Variants in FAM184A observed in about 807,000 individuals in gnomAD.
The protein encoded by FAM184A is protein FAM184A.
Under a neutral mutation model 143.8 loss-of-function variants are expected in FAM184A, and 99 were observed. The observed-to-expected ratio is 0.69, with a 90% CI of 0.58 to 0.81. FAM184A has a LOEUF of 0.81. Among genes scored for constraint, FAM184A ranks in the 40% least tolerant of loss-of-function variants. The pLI, the probability that FAM184A is intolerant of heterozygous loss-of-function variation, is 0.00. For synonymous variants in FAM184A, 427 were observed against 446.4 expected (o/e 0.96, Z 0.55); for missense variants, 1,217 against 1,310.5 (o/e 0.93, Z 1.10).
chr6:118,990,491 G>A lies in FAM184A; in HGVS notation c.2089-10141C>T, dbSNP rs116210839. 1.7e-3 allele frequency among the ~76,000 whole-genome samples: 266 copies of A among 152,298 alleles called. 1 individual carries two copies. Among genetic ancestry groups the A allele is most frequent in the Middle Eastern group, 0.01 (3 of 294 alleles). On this transcript the variant is annotated intron_variant, in intron 9 of 17. Coordinates refer to ENST00000338891, the MANE Select transcript of FAM184A (RefSeq NM_024581.6). ...GAGCTTACATCACAGACCTGGCATG[G>A]CAATTGGTAAAGGCATAGTAGTGCT...
chr6:119,034,125 G>A (rs1032536517), intron 1 of FAM184A, among the ~76,000 whole-genome samples: 11 of 133,616 alleles, frequency 8.2e-5, no homozygotes, highest in African/African-American at 3.0e-4. Flanking sequence ...AAATGAGGTA[G>A]ATGAAAGAAA....
intron 1 of FAM184A, among the ~76,000 whole-genome samples, chr6:119,092,095 C>G (rs1047835022): frequency 2.0e-5 from 3 of 152,242 alleles, no homozygotes; most frequent in African/African-American, 7.2e-5. Flanking sequence ...ATGTTCATTT[C>G]TACTCTTATT....
intron 1 of FAM184A, among the ~76,000 whole-genome samples, chr6:119,111,857 ATTTTCATTAAAGAAACAG>A (rs996926704): frequency 5.3e-5 from 8 of 152,322 alleles, no homozygotes; most frequent in South Asian, 2.1e-4. Flanking sequence ...TAGACTGAAT[ATTTTCATTAAAGAAACAG>A]TTTTCATTAA....
chr6:119,023,974 T>G lies in FAM184A; in HGVS notation c.999A>C (p.Ala333=). ...CQKLQTALAI[A]ENNVQVLQKQ... ...CTTTACTTACCTGAACATTGTTCTC[T>G]GCTATGGCAAGTGCCGTCTGAAGCT... Residue 333 remains alanine (A), a synonymous_variant, in exon 2 of 18, where the codon GCA becomes GCC. Transcript: ENST00000338891. The G allele has an allele frequency of 6.3e-7, 1 of 1,589,248 alleles. No individual in the cohort carries two copies. Among genetic ancestry groups the G allele is most frequent in the East Asian group, 2.2e-5 (1 of 44,776 alleles).
At chr6:119,104,267 A>G (rs921709605) in intron 1 of FAM184A, among the ~76,000 whole-genome samples, 3 of 152,184 alleles carry the variant, frequency 2.0e-5, no homozygotes, top group Non-Finnish European at 2.9e-5. Flanking sequence ...TCTGCCTCCC[A>G]AAGTACTGGA....
chr6:119,078,643 G>C lies in FAM184A; in HGVS notation c.-344C>G, dbSNP rs1016216670. 1 of 182,906 alleles carries C rather than the reference G, an allele frequency of 5.5e-6. No homozygotes were observed. The highest frequency in any genetic ancestry group is 1.1e-5 in the Non-Finnish European group (1 of 88,344). The allele number at this position is 182,906 out of a possible 1,614,324, so 11.3% of individuals were successfully genotyped here. ...GCTCCGCGGGTCCCGCTCGCAGCCC[G>C]CACCGAGGACTCGGCGAGGCTGCGG... On this transcript the variant is annotated 5_prime_UTR_variant, in exon 1 of 18. Coordinates refer to ENST00000338891, the MANE Select transcript of FAM184A (RefSeq NM_024581.6). The surrounding 1 kb of genome is among the most constrained non-coding windows in gnomAD (Gnocchi z 5.5).
intron 1 of FAM184A, among the ~76,000 whole-genome samples, chr6:119,058,143 C>T (rs543053063): frequency 6.7e-6 from 1 of 148,848 alleles, no homozygotes; most frequent in Non-Finnish European, 1.5e-5. Flanking sequence ...GCCACTCTCT[C>T]ATCAAGAAGT....
At chr6:118,962,544 T>G in intron 16 of FAM184A, 1 of 152,902 alleles carries the variant, frequency 6.5e-6, no homozygotes, top group East Asian at 1.9e-4. Context: ...TTAAATTCAC[T>G]GTGACATCTA....
intron 1 of FAM184A, among the ~76,000 whole-genome samples, chr6:119,051,176 T>C (rs1786751004): frequency 6.6e-6 from 1 of 152,036 alleles, no homozygotes. Context: ...GTGGTACATG[T>C]ACACAATGGA....
In FAM184A at chr6:119,091,403, A is replaced by G. The variant is rs79988237; in HGVS notation, c.-202+57675T>C. ...TATCACATCCTATAGGCCAAATCCT[A>G]ATCATGCAGAGTATTGTCTCCAAAC... On this transcript the variant is annotated intron_variant, in intron 1 of 16. Coordinates refer to the FAM184A transcript ENST00000352896. Among the ~76,000 whole-genome samples, 186 of 152,254 alleles carry G rather than the reference A, an allele frequency of 1.2e-3. 1 individual carries two copies. The highest frequency in any genetic ancestry group is 4.4e-3 in the African/African-American group (182 of 41,562).
chr6:119,148,723 G>A (rs1300695728), intron 1 of FAM184A, among the ~76,000 whole-genome samples: 2 of 152,010 alleles, frequency 1.3e-5, no homozygotes, highest in African/African-American at 4.8e-5. Flanking sequence ...GTGGCCACAT[G>A]ATGGCACTAT....
At chr6:119,077,811 T>C (rs554155621) in intron 1 of FAM184A, among the ~76,000 whole-genome samples, 13 of 152,368 alleles carry the variant, frequency 8.5e-5, no homozygotes, top group African/African-American at 3.1e-4. Context: ...CGTGGAGCCC[T>C]GGCAGATGCA....
At chr6:119,045,219 T>G (rs1199247420) in intron 1 of FAM184A, among the ~76,000 whole-genome samples, 1 of 151,872 alleles carries the variant, frequency 6.6e-6, no homozygotes, top group Non-Finnish European at 1.5e-5. Context: ...TCTGGTATAT[T>G]GATAAAAATA....
At chr6:119,147,045 G>A (rs1337693274) in intron 1 of FAM184A, among the ~76,000 whole-genome samples, 2 of 151,412 alleles carry the variant, frequency 1.3e-5, no homozygotes, top group Non-Finnish European at 2.9e-5. Flanking sequence ...GACATCCAGC[G>A]GGGGCAGTGG....
rs1786919396 is a variant in FAM184A at position 119,055,221 on chromosome 6, C to T, written c.159+22920G>A. On this transcript the variant is annotated intron_variant, in intron 1 of 17. Transcript: ENST00000338891. ...GATTAATCTACATTGTAGCATATATCAGTATTTCATTCCTTTTTATGGGCA... is the reference window on the plus strand; with the variant it reads ...GATTAATCTACATTGTAGCATATATTAGTATTTCATTCCTTTTTATGGGCA... Among the ~76,000 whole-genome samples, 8 of 152,290 alleles carry T rather than the reference C, an allele frequency of 5.3e-5. No homozygotes were observed. In the South Asian group the frequency reaches 1.7e-3, roughly 32 times the overall value.
In FAM184A at chr6:119,016,901, C is replaced by T. The variant is rs563656329; in HGVS notation, c.1376G>A (p.Arg459Lys). 5.5e-5 allele frequency: 89 copies of T among 1,613,576 alleles called. 1 individual carries two copies. In the East Asian group the frequency reaches 1.4e-3, roughly 25 times the overall value. ...AKRTQQEYYE[R>K]ELKNLQSRLE... ...TCTACTTTGCAGGTTTTTAAGTTCC[C>T]TTTCATAATATTCTTGCTGAGTTCT... The change falls in exon 5 of 18, where the codon AGG becomes AAG. Residue 459 changes from arginine (R) to lysine (K), a missense_variant. Transcript: ENST00000338891.
At chr6:119,129,710 TTG>T (rs201191740) in intron 1 of FAM184A, among the ~76,000 whole-genome samples, 3 of 127,998 alleles carry the variant, frequency 2.3e-5, no homozygotes, top group South Asian at 2.9e-4. Flanking sequence ...TTTTTGTGTT[TTG>T]TGTGTGTGTG....
chr6:119,109,045 T>C (rs554034146), intron 1 of FAM184A, among the ~76,000 whole-genome samples: 11 of 152,224 alleles, frequency 7.2e-5, no homozygotes, highest in African/African-American at 2.2e-4. Flanking sequence ...TAGAAAGTTA[T>C]TTCTTCAATA....
At chr6:119,019,952 G>C in intron 4 of FAM184A, 26 bp downstream of exon 4, 1 of 1,498,300 alleles carries the variant, frequency 6.7e-7, no homozygotes, top group Non-Finnish European at 8.9e-7. Flanking sequence ...TCTTTCGGGG[G>C]GAATGGAGTG....
Sources: allele counts gnomAD v4.1 joint callset (sites outside exome capture counted in the v4.1 genomes callset), GRCh38; gene constraint gnomAD v4.1.1; non-coding constraint Gnocchi (gnomAD v3.1); transcripts MANE v1.5; gene names NCBI Gene and HGNC (gene_info 2026-07-23, HGNC 2026-07-21).